PCAT7: variants seen among roughly 807,000 people sequenced by gnomAD.
PCAT7 encodes the protein prostate cancer associated transcript 7.
intron 2 of PCAT7, chr9:94,567,540 A>G (rs2987883): frequency 0.47 from 474,975 of 1,021,020 alleles, 112,985 homozygotes; most frequent in East Asian, 0.62. Flanking sequence ...GTCACTCTGA[A>G]CCTGCTCTTT....
At chr9:94,567,002 T>A (rs961459366) in intron 2 of PCAT7, among the ~76,000 whole-genome samples, 3 of 152,208 alleles carry the variant, frequency 2.0e-5, no homozygotes, top group Non-Finnish European at 4.4e-5. Context: ...AGCTCTGAAT[T>A]TTGTAAATGT....
chr9:94,556,394 C>T (rs563812876), intron 1 of PCAT7, among the ~76,000 whole-genome samples: 3 of 150,176 alleles, frequency 2.0e-5, no homozygotes, highest in East Asian at 4.0e-4. Flanking sequence ...TGCGAAATGA[C>T]GGTAGGGAGA....
In PCAT7 at chr9:94,559,177, A is replaced by G. The variant is rs368309070; in HGVS notation, n.441+25A>G. The G allele has an allele frequency of 2.8e-5, 43 of 1,560,324 alleles. No homozygotes were observed. The Admixed American group carries it at 5.6e-4, about 20-fold the overall frequency. ...GGTGAGTAAACTCTGCAAGTGGCCA[A>G]ATGTCCCGAGCCATGCCCCTAAAGC... On this transcript the variant is annotated intron_variant and non_coding_transcript_variant, in intron 2 of 8. Coordinates refer to ENST00000647389, the Ensembl canonical transcript of PCAT7.
At chr9:94,568,374 C>T (rs1827224184) in intron 2 of PCAT7, 1 of 152,188 alleles carries the variant, frequency 6.6e-6, no homozygotes, top group Admixed American at 6.5e-5. Context: ...ACCTGCAGGG[C>T]ATCTCTCAAA....
intron 2 of PCAT7, among the ~76,000 whole-genome samples, chr9:94,562,992 T>C (rs764408642): frequency 2.6e-5 from 4 of 152,164 alleles, no homozygotes; most frequent in Non-Finnish European, 5.9e-5. Flanking sequence ...TTTATTAGGC[T>C]CCCTATAGGG....
chr9:94,562,755 T>A (rs1827127900), intron 2 of PCAT7, among the ~76,000 whole-genome samples: 2 of 152,172 alleles, frequency 1.3e-5, no homozygotes, highest in South Asian at 4.1e-4. Flanking sequence ...CACTTGATAA[T>A]ACAAGTATTT....
intron 2 of PCAT7, among the ~76,000 whole-genome samples, chr9:94,561,594 T>A (rs1827104599): frequency 6.6e-6 from 1 of 152,104 alleles, no homozygotes; most frequent in Admixed American, 6.5e-5. Context: ...CTCGATCTTC[T>A]GACCTCGTGA....
chr9:94,563,527 G>T lies in PCAT7; in HGVS notation n.441+4375G>T, dbSNP rs952706139. The T allele has an allele frequency of 5.1e-6, 8 of 1,571,290 alleles. No homozygotes were observed. In the African/African-American group the frequency reaches 1.1e-4, roughly 21 times the overall value. On this transcript the variant is annotated intron_variant and non_coding_transcript_variant, in intron 2 of 8. Transcript: ENST00000647389. ...CAGGATTAGCCAGCACCTGCTCGTG[G>T]TCACAAGTCCAGTTGGTGTGACCTC...
At chr9:94,558,356 G>A (rs549145677) in intron 1 of PCAT7, among the ~76,000 whole-genome samples, 12 of 152,186 alleles carry the variant, frequency 7.9e-5, no homozygotes, top group South Asian at 2.1e-4. Context: ...GTGCAATGGC[G>A]CGATCTCGGC....
intron 3 of PCAT7, among the ~76,000 whole-genome samples, chr9:94,573,662 C>T (rs1443899156): frequency 6.6e-6 from 1 of 152,216 alleles, no homozygotes; most frequent in Admixed American, 6.5e-5. Flanking sequence ...AGTCTTCCAT[C>T]ACCAGAATAA....
intron 2 of PCAT7, among the ~76,000 whole-genome samples, chr9:94,565,450 T>TA (rs1441366845): frequency 1.3e-5 from 2 of 152,178 alleles, no homozygotes; most frequent in Admixed American, 1.3e-4. Context: ...TACATTTTCT[T>TA]ATATTTTTTG....
chr9:94,563,959 C>T (rs1827148020), intron 2 of PCAT7, among the ~76,000 whole-genome samples: 1 of 152,140 alleles, frequency 6.6e-6, no homozygotes. Context: ...ATAATATGCA[C>T]CTAACACAGG....
chr9:94,565,368 CA>C (rs369180827), intron 2 of PCAT7, among the ~76,000 whole-genome samples: 10,288 of 46,546 alleles, frequency 0.22, 434 homozygotes, highest in South Asian at 0.33. Context: ...GACTCCACCT[CA>C]AAAAAAAAAA....
chr9:94,561,734 G>A (rs12002400), intron 2 of PCAT7, among the ~76,000 whole-genome samples: 2 of 152,134 alleles, frequency 1.3e-5, no homozygotes, highest in African/African-American at 4.8e-5. Context: ...GGATAGGAGT[G>A]TGCACATGCA....
chr9:94,571,947 G>A lies in PCAT7; in HGVS notation n.442-1032G>A, dbSNP rs145453430. Among the ~76,000 whole-genome samples, 4 of 152,230 alleles carry A rather than the reference G, an allele frequency of 2.6e-5. No homozygotes were observed. The East Asian group carries it at 7.7e-4, about 29-fold the overall frequency. On this transcript the variant is annotated intron_variant and non_coding_transcript_variant, in intron 2 of 8. Transcript: ENST00000647389. ...CACAACTCAGATCACTGAGCTGAGCGTGCAGTGTCTCACTCTGCACACTCA... is the reference window on the plus strand; with the variant it reads ...CACAACTCAGATCACTGAGCTGAGCATGCAGTGTCTCACTCTGCACACTCA...
At chr9:94,567,400 C>G in intron 2 of PCAT7, 2 of 1,614,020 alleles carry the variant, frequency 1.2e-6, no homozygotes, top group Non-Finnish European at 1.7e-6. Context: ...GACAAATTCA[C>G]CAAGAGCCTA....
chr9:94,565,356 A>G (rs150143551), intron 2 of PCAT7, among the ~76,000 whole-genome samples: 5 of 129,094 alleles, frequency 3.9e-5, no homozygotes, highest in African/African-American at 1.6e-4. Context: ...GAGACAGAGC[A>G]AGACTCCACC....
chr9:94,555,621 T>G (rs1826997345), intron 1 of PCAT7, among the ~76,000 whole-genome samples: 1 of 146,804 alleles, frequency 6.8e-6, no homozygotes, highest in Non-Finnish European at 1.5e-5. Context: ...GAGAGAAGGT[T>G]TTGTGAAAAG....
chr9:94,567,350 TCTTTC>T, intron 2 of PCAT7: 2 of 1,614,166 alleles, frequency 1.2e-6, no homozygotes, highest in Non-Finnish European at 1.7e-6. Flanking sequence ...AGGCTGTAAA[TCTTTC>T]CTTTCTTCTT....
Sources: allele counts gnomAD v4.1 joint callset (sites outside exome capture counted in the v4.1 genomes callset), GRCh38; gene constraint gnomAD v4.1.1; transcripts MANE v1.5; gene names NCBI Gene and HGNC (gene_info 2026-07-23, HGNC 2026-07-21).